The following MTA3 variants were observed in gnomAD, a reference collection of about 807,000 sequenced individuals.
MTA3 encodes metastasis-associated protein MTA3.
A neutral mutation model predicts 83.5 loss-of-function variants in MTA3; 34 were observed. The observed-to-expected ratio is 0.41, with a 90% CI of 0.31 to 0.54. The LOEUF (loss-of-function observed/expected upper bound fraction) is 0.54, where lower values mean the gene tolerates loss of function less well. Ranked by LOEUF, MTA3 falls within the 20% of genes least tolerant of loss-of-function variation. The pLI, the probability that MTA3 is intolerant of heterozygous loss-of-function variation, is 0.33. For synonymous variants in MTA3, 303 were observed against 252.7 expected (o/e 1.20, Z -1.89); for missense variants, 761 against 726.4 (o/e 1.05, Z -0.55).
intron 2 of MTA3, among the ~76,000 whole-genome samples, chr2:42,537,402 TA>T (rs1344478391): frequency 1.3e-5 from 2 of 151,846 alleles, no homozygotes; most frequent in African/African-American, 2.4e-5. Flanking sequence ...TCATCTCTAC[TA>T]AAAATACAAA....
chr2:42,636,373 C>G lies in MTA3; in HGVS notation c.318-3800C>G, dbSNP rs376175609. ...TGGGAAACATAGCAAAACTCTATCT[C>G]TACAAAGAATTTAAAAAAAATTAGC... is the stretch of plus-strand genomic sequence containing the variant. On this transcript the variant is annotated intron_variant, in intron 4 of 16. Transcript: ENST00000405094. 1.7e-4 allele frequency among the ~76,000 whole-genome samples: 26 copies of G among 152,016 alleles called. No homozygotes were observed. In the East Asian group the frequency reaches 4.5e-3, roughly 26 times the overall value.
intron 6 of MTA3, among the ~76,000 whole-genome samples, chr2:42,645,984 G>T (rs1030103876): frequency 6.6e-6 from 1 of 152,194 alleles, no homozygotes; most frequent in Admixed American, 6.5e-5. Flanking sequence ...TCTCTGATTA[G>T]TGACTAATGT....
chr2:42,656,111 T>G (rs952287450), intron 6 of MTA3, 89 bp from the exon 7 acceptor site: 1 of 994,206 alleles, frequency 1.0e-6, no homozygotes, highest in African/African-American at 1.6e-5. Flanking sequence ...ACATAAACAT[T>G]TCTAATGCTA....
chr2:42,663,048 A>C (rs1210949141), intron 8 of MTA3, among the ~76,000 whole-genome samples: 5 of 152,200 alleles, frequency 3.3e-5, no homozygotes, highest in Non-Finnish European at 7.3e-5. Context: ...ATACCTTTTT[A>C]AAAATCACTG....
At chr2:42,607,050 G>A (rs543120703) in intron 3 of MTA3, among the ~76,000 whole-genome samples, 1 of 149,782 alleles carries the variant, frequency 6.7e-6, no homozygotes. Flanking sequence ...GCATGAGAGG[G>A]AGACCGGAGG....
intron 16 of MTA3, among the ~76,000 whole-genome samples, chr2:42,736,191 C>G (rs891792973): frequency 1.3e-5 from 2 of 152,194 alleles, no homozygotes; most frequent in African/African-American, 4.8e-5. Context: ...TGCTGTGTCT[C>G]TTGCCTTGGT....
chr2:42,499,171 C>CTT (rs112147672), intron 2 of MTA3, among the ~76,000 whole-genome samples: 2 of 144,678 alleles, frequency 1.4e-5, no homozygotes, highest in African/African-American at 5.0e-5. Flanking sequence ...GAGGGTAGAT[C>CTT]TTTTTTTTTT....
chr2:42,633,749 C>G (rs1276368080), intron 4 of MTA3, among the ~76,000 whole-genome samples: 1 of 151,768 alleles, frequency 6.6e-6, no homozygotes, highest in Non-Finnish European at 1.5e-5. Context: ...AAAAAGTTAG[C>G]CGGCCGTGGT....
chr2:42,530,520 C>T (rs960353329), intron 2 of MTA3, among the ~76,000 whole-genome samples: 15 of 149,894 alleles, frequency 1.0e-4, no homozygotes, highest in Non-Finnish European at 2.1e-4. Context: ...AGCGGTGGCT[C>T]ATGCCTGTAA....
intron 9 of MTA3, among the ~76,000 whole-genome samples, chr2:42,691,855 G>C (rs1043276951): frequency 2.0e-5 from 3 of 152,164 alleles, no homozygotes; most frequent in African/African-American, 7.2e-5. Flanking sequence ...CTCCTGGCCT[G>C]TAAGGTTTCC....
intron 8 of MTA3, among the ~76,000 whole-genome samples, chr2:42,660,577 G>GT (rs1252662171): frequency 1.3e-5 from 2 of 152,164 alleles, no homozygotes; most frequent in South Asian, 2.1e-4. Context: ...GGACCTGTGA[G>GT]TTTTTTGCTG....
chr2:42,676,647 T>G (rs141192673), intron 8 of MTA3, among the ~76,000 whole-genome samples: 3 of 152,130 alleles, frequency 2.0e-5, no homozygotes, highest in African/African-American at 7.2e-5. Flanking sequence ...GCACCTGTAG[T>G]CCCAGTTACT....
Position 42,754,619 on chromosome 2 carries a change from C to T in MTA3, c.*1220C>T. The T allele has an allele frequency of 1.0e-6, 1 of 985,502 alleles. No homozygotes were observed. The highest frequency in any genetic ancestry group is 1.2e-6 in the Non-Finnish European group (1 of 829,978). 61.0% of individuals were successfully genotyped at this position (985,502 alleles called of 1,614,324 possible). A position where few individuals can be genotyped will look rare whatever the true frequency, so the allele number is the denominator to read the frequency against. The stretch of plus-strand genomic sequence containing the variant: ...AGATGTGAGGCTGGCAACTCCCCTG[C>T]CCTCTGTTTGCAGGCACAGGGTCAC... On this transcript the variant is annotated 3_prime_UTR_variant, in exon 17 of 17. Coordinates refer to ENST00000405094, the MANE Select transcript of MTA3 (RefSeq NM_001330442.2).
At chr2:42,610,073 C>G (rs925089716) in intron 4 of MTA3, among the ~76,000 whole-genome samples, 2 of 152,094 alleles carry the variant, frequency 1.3e-5, no homozygotes, top group Admixed American at 6.6e-5. Flanking sequence ...GCACTCCAGC[C>G]TGGATGACAG....
At chr2:42,536,066 G>C (rs887443997) in intron 2 of MTA3, among the ~76,000 whole-genome samples, 6 of 151,834 alleles carry the variant, frequency 4.0e-5, no homozygotes, top group Non-Finnish European at 7.4e-5. Flanking sequence ...GCTGCAGTAA[G>C]CTATGTTCAT....
Position 42,609,573 on chromosome 2 carries a change from A to G in MTA3, c.306A>G (p.Ala102=), listed in dbSNP as rs552497398. Residue 102 remains alanine, a synonymous_variant, in exon 4 of 17, where the codon GCA becomes GCG. Transcript: ENST00000405094. The part of the protein sequence containing the change: ...FLSRQYESLP[A]THIRGKCSVA... ...CACGCCAGTATGAATCTCTGCCCGC[A>G]ACACATATCAGGTAAGAACTTTTTA... is the stretch of plus-strand genomic sequence containing the variant. 65 of 1,613,650 alleles carry G rather than the reference A, an allele frequency of 4.0e-5. No homozygotes were observed. In the South Asian group the frequency reaches 6.8e-4, roughly 17 times the overall value.
At chr2:42,604,890 A>T (rs1181816729) in intron 3 of MTA3, among the ~76,000 whole-genome samples, 5 of 148,728 alleles carry the variant, frequency 3.4e-5, no homozygotes, top group African/African-American at 1.2e-4. Context: ...CAGAGAGCAC[A>T]GGGTTGGGGG....
At chr2:42,752,424 A>G (rs1165607777) in intron 16 of MTA3, 1 of 359,946 alleles carries the variant, frequency 2.8e-6, no homozygotes, top group Admixed American at 3.6e-5. Flanking sequence ...CACTTTCCTA[A>G]TAACTAAGTA....
At chr2:42,510,129 C>A (rs562297408) in intron 2 of MTA3, among the ~76,000 whole-genome samples, 1 of 151,968 alleles carries the variant, frequency 6.6e-6, no homozygotes, top group Non-Finnish European at 1.5e-5. Context: ...AGTTCAAGAC[C>A]AGCCTGGCCA....
Sources: allele counts gnomAD v4.1 joint callset (sites outside exome capture counted in the v4.1 genomes callset), GRCh38; gene constraint gnomAD v4.1.1; transcripts MANE v1.5; gene names NCBI Gene and HGNC (gene_info 2026-07-23, HGNC 2026-07-21).